The following SRRM4 variants were observed in gnomAD, a reference collection of about 807,000 sequenced individuals.
The protein encoded by SRRM4 is serine/arginine repetitive matrix protein 4.
In SRRM4, 33 loss-of-function variants were observed where a neutral mutation model predicts 68.9. The ratio of observed to expected loss-of-function variants is 0.48; its 90% CI spans 0.36 to 0.64. The LOEUF (loss-of-function observed/expected upper bound fraction) is 0.64, where lower values mean the gene tolerates loss of function less well. Ranked by LOEUF, SRRM4 falls within the 30% of genes least tolerant of loss-of-function variation. The pLI, the probability that SRRM4 is intolerant of heterozygous loss-of-function variation, is 0.00. For synonymous variants in SRRM4, 318 were observed against 318.8 expected, an observed-to-expected ratio of 1.00 and a Z score of 0.03; for missense variants, 817 against 827.1, an observed-to-expected ratio of 0.99 and a Z score of 0.15.
chr12:119,012,247 G>A (rs952043333), intron 1 of SRRM4, among the ~76,000 whole-genome samples: 1 of 152,174 alleles, frequency 6.6e-6, no homozygotes, highest in Non-Finnish European at 1.5e-5. Flanking sequence ...CTGACCAAGG[G>A]CCACTTCCTT....
At chr12:118,998,297 A>AAAAAAAAAAAC (rs1953362167) in intron 1 of SRRM4, among the ~76,000 whole-genome samples, 1 of 150,098 alleles carries the variant, frequency 6.7e-6, no homozygotes, top group Non-Finnish European at 1.5e-5. Flanking sequence ...AAAAAAAAAA[A>AAAAAAAAAAAC]AATCACAGAG....
chr12:118,994,110 TGA>T (rs1374828590), intron 1 of SRRM4: 1 of 152,136 alleles, frequency 6.6e-6, no homozygotes, highest in Non-Finnish European at 1.5e-5. Context: ...ATCGCGCCTG[TGA>T]ATACCTACTG....
At chr12:119,052,127 A>G (rs1320901027) in intron 1 of SRRM4, among the ~76,000 whole-genome samples, 1 of 152,216 alleles carries the variant, frequency 6.6e-6, no homozygotes, top group East Asian at 1.9e-4. Flanking sequence ...AGGCTGAATC[A>G]GATGCAATGC....
intron 1 of SRRM4, among the ~76,000 whole-genome samples, chr12:119,074,012 T>C (rs1953894002): frequency 6.6e-6 from 1 of 152,280 alleles, no homozygotes; most frequent in East Asian, 1.9e-4. Flanking sequence ...AGATAATATA[T>C]GTAAAGTGTT....
At chr12:119,017,429 C>T (rs1594028652) in intron 1 of SRRM4, among the ~76,000 whole-genome samples, 1 of 152,052 alleles carries the variant, frequency 6.6e-6, no homozygotes, top group African/African-American at 2.4e-5. Flanking sequence ...TTGACTAAGC[C>T]CCCTCAAGAC....
chr12:119,057,160 A>G (rs1292612788), intron 1 of SRRM4, among the ~76,000 whole-genome samples: 1 of 152,232 alleles, frequency 6.6e-6, no homozygotes, highest in Non-Finnish European at 1.5e-5. Flanking sequence ...AAATTAGGTG[A>G]AGAAAGAAAT....
chr12:119,023,653 C>T (rs1394356134), intron 1 of SRRM4, among the ~76,000 whole-genome samples: 2 of 152,190 alleles, frequency 1.3e-5, no homozygotes, highest in South Asian at 2.1e-4. Flanking sequence ...AACCTTCCAA[C>T]ATCTTTTCAT....
At chr12:119,129,171 G>A (rs1178531296) in intron 7 of SRRM4, among the ~76,000 whole-genome samples, 2 of 152,172 alleles carry the variant, frequency 1.3e-5, no homozygotes, top group Non-Finnish European at 2.9e-5. Context: ...CTGTAAAATG[G>A]GAAAGTAATA....
intron 1 of SRRM4, among the ~76,000 whole-genome samples, chr12:119,059,005 T>C (rs1034869852): frequency 6.6e-6 from 1 of 152,136 alleles, no homozygotes; most frequent in African/African-American, 2.4e-5. Context: ...TCTCCTTAGA[T>C]TGCAGCTATT....
chr12:119,053,747 G>GTT (rs34684011), intron 1 of SRRM4, among the ~76,000 whole-genome samples: 43 of 149,172 alleles, frequency 2.9e-4, no homozygotes, highest in South Asian at 1.3e-3. Context: ...CCCAACAGTA[G>GTT]TTTTTTTTTT....
intron 1 of SRRM4, among the ~76,000 whole-genome samples, chr12:119,095,137 G>C (rs1954035450): frequency 1.3e-5 from 2 of 152,136 alleles, no homozygotes; most frequent in Admixed American, 1.3e-4. Context: ...TAATGAACTG[G>C]ATTCACCTTG....
At chr12:119,126,579 C>T (rs893751856) in intron 7 of SRRM4, among the ~76,000 whole-genome samples, 4 of 152,142 alleles carry the variant, frequency 2.6e-5, no homozygotes, top group Admixed American at 6.5e-5. Context: ...AGAAAGTTCA[C>T]TCTAATGCCT....
chr12:119,120,952 A>G (rs575814803), intron 5 of SRRM4, among the ~76,000 whole-genome samples: 1 of 152,364 alleles, frequency 6.6e-6, no homozygotes, highest in Admixed American at 6.5e-5. Flanking sequence ...CCACATCTAG[A>G]GCAATCTGCA....
At chr12:119,039,046 G>T (rs150656407) in intron 1 of SRRM4, among the ~76,000 whole-genome samples, 93 of 152,282 alleles carry the variant, frequency 6.1e-4, no homozygotes, top group African/African-American at 2.2e-3. Context: ...AAGAAATAAA[G>T]AAAATCTGGG....
intron 2 of SRRM4, among the ~76,000 whole-genome samples, chr12:119,103,967 C>T (rs540061189): frequency 2.0e-5 from 3 of 152,248 alleles, no homozygotes; most frequent in Non-Finnish European, 2.9e-5. Flanking sequence ...CGCACCACAG[C>T]GCTTCAGCCT....
chr12:119,031,495 G>A (rs185484380), intron 1 of SRRM4, among the ~76,000 whole-genome samples: 10 of 152,260 alleles, frequency 6.6e-5, no homozygotes, highest in African/African-American at 2.4e-4. Flanking sequence ...AGAAAGAAGG[G>A]ATTATTAGGG....
chr12:119,138,092 G>T (rs958944183), intron 8 of SRRM4, among the ~76,000 whole-genome samples: 1 of 152,150 alleles, frequency 6.6e-6, no homozygotes, highest in African/African-American at 2.4e-5. Flanking sequence ...GGTCCGGAGA[G>T]CTCATGCCCC....
chr12:119,070,265 C>G lies in SRRM4; in HGVS notation c.132-31971C>G, dbSNP rs553934483. On this transcript the variant is annotated intron_variant, in intron 1 of 12. Transcript: ENST00000267260. ...ACTTTTTACCTGTCCACTAAATGAA[C>G]AGGCCTTTCAAGCATACGTTCATTC... Among the ~76,000 whole-genome samples the G allele has an allele frequency of 6.7e-5, 10 of 150,216 alleles. No homozygotes were observed. The South Asian group carries it at 2.1e-3, about 32-fold the overall frequency.
intron 1 of SRRM4, among the ~76,000 whole-genome samples, chr12:119,044,369 G>A (rs1351663229): frequency 6.6e-6 from 1 of 152,184 alleles, no homozygotes; most frequent in Non-Finnish European, 1.5e-5. Context: ...GCGGGCTTGG[G>A]CAGGTACAGA....
Sources: allele counts gnomAD v4.1 joint callset (sites outside exome capture counted in the v4.1 genomes callset), GRCh38; gene constraint gnomAD v4.1.1; transcripts MANE v1.5; gene names NCBI Gene and HGNC (gene_info 2026-07-23, HGNC 2026-07-21).